The following TACC2 variants were observed in gnomAD, a reference collection of about 807,000 sequenced individuals.
TACC2 encodes transforming acidic coiled-coil-containing protein 2.
A neutral mutation model predicts 227.3 loss-of-function variants in TACC2; 137 were observed. The observed-to-expected ratio is 0.60, with a 90% confidence interval of 0.52 to 0.69. TACC2 has a LOEUF of 0.69. Among genes scored for constraint, TACC2 ranks in the 30% least tolerant of loss-of-function variants. The probability of loss-of-function intolerance (pLI) is 0.00; values close to 1 mark genes in which losing one functional copy is unlikely to be tolerated. For missense variants in TACC2, 3,470 were observed against 3,694.4 expected (o/e 0.94, Z 1.57); for synonymous variants, 1,523 against 1,487.5 (o/e 1.02, Z -0.55).
At chr10:122,171,345 G>C (rs1034612461) in intron 7 of TACC2, among the ~76,000 whole-genome samples, 8 of 152,132 alleles carry the variant, frequency 5.3e-5, no homozygotes, top group Non-Finnish European at 1.0e-4. Context: ...GGCCGAGGTA[G>C]GGGGGTGGAG....
chr10:122,199,269 C>T (rs1212338381), intron 8 of TACC2, among the ~76,000 whole-genome samples: 2 of 152,372 alleles, frequency 1.3e-5, no homozygotes, highest in Admixed American at 6.5e-5. Context: ...CCAGTGTCCT[C>T]GCCAGGCACT....
intron 1 of TACC2, among the ~76,000 whole-genome samples, chr10:121,999,819 G>T (rs1954048752): frequency 6.6e-6 from 1 of 152,298 alleles, no homozygotes; most frequent in African/African-American, 2.4e-5. Flanking sequence ...AATGCCCAAG[G>T]GCAATCGGTC....
intron 1 of TACC2, among the ~76,000 whole-genome samples, chr10:121,989,812 C>T (rs1447612601): frequency 6.6e-6 from 1 of 151,536 alleles, no homozygotes; most frequent in Admixed American, 6.6e-5. Context: ...AGCCAGAGTG[C>T]GGTGGCATGA....
At chr10:122,151,611 T>C (rs557566614) in intron 7 of TACC2, among the ~76,000 whole-genome samples, 17 of 152,198 alleles carry the variant, frequency 1.1e-4, no homozygotes, top group African/African-American at 3.4e-4. Context: ...TCTTCTCTTT[T>C]CAAGCAGGGG....
At chr10:122,207,859 G>T (rs1001950874) in intron 8 of TACC2, among the ~76,000 whole-genome samples, 1 of 152,192 alleles carries the variant, frequency 6.6e-6, no homozygotes, top group South Asian at 2.1e-4. Flanking sequence ...GAGGGAGAGG[G>T]TTGGTGTTTG....
At position 122,180,850 on chromosome 10, in the gene TACC2, C is replaced by T. The variant is rs183535290; in HGVS notation, c.5835-14190C>T. On this transcript the variant is annotated intron_variant, in intron 7 of 22. Transcript: ENST00000369005. This position sits in a 1 kb window ranked among gnomAD's most constrained non-coding sequence, Gnocchi z 4.5. Reference sequence around the variant, plus strand: ...CTGCCTCCCAGGCTCAAGCGATTCTCCTGCCTCAGCCTCTCCTGCCTCAGC... The same window carrying T: ...CTGCCTCCCAGGCTCAAGCGATTCTTCTGCCTCAGCCTCTCCTGCCTCAGC... Among the ~76,000 whole-genome samples the T allele has an allele frequency of 3.7e-3, 560 of 152,294 alleles. 5 individuals are homozygous for T. Among genetic ancestry groups the T allele is most frequent in the African/African-American group, 0.013 (539 of 41,564 alleles).
chr10:122,098,218 G>A (rs2081700012), intron 5 of TACC2, among the ~76,000 whole-genome samples: 1 of 152,168 alleles, frequency 6.6e-6, no homozygotes, highest in Non-Finnish European at 1.5e-5. Flanking sequence ...TTCTAGAAAT[G>A]TTTGCATGGA....
rs371617188 is a variant in TACC2 at position 122,086,107 on chromosome 10, A to G, written c.3607A>G (p.Ile1203Val). 19 of 1,613,454 alleles carry G rather than the reference A, an allele frequency of 1.2e-5. No homozygotes were observed. The highest frequency in any genetic ancestry group is 1.6e-5 in the Non-Finnish European group (19 of 1,180,002). Residue 1203 changes from isoleucine (I) to valine (V), a missense_variant, in exon 4 of 23, where the codon ATT (isoleucine) becomes GTT (valine). Physicochemically the swap from Ile to Val is conservative, Grantham distance 29. Transcript: ENST00000369005. The part of the protein sequence containing the change: ...ALLPARELGG[I>V]PRSTMDFSTH... ...GCTGCCAGCCAGAGAGCTGGGTGGG[A>G]TTCCCAGGAGCACCATGGATTTTTC...
chr10:122,234,921 C>T (rs1430361598), intron 16 of TACC2, among the ~76,000 whole-genome samples: 1 of 152,146 alleles, frequency 6.6e-6, no homozygotes, highest in Non-Finnish European at 1.5e-5. Flanking sequence ...CCTTGTGCCC[C>T]AGTCTCTGAG....
chr10:122,201,936 ACT>A (rs1593271464), intron 8 of TACC2, among the ~76,000 whole-genome samples: 2 of 149,410 alleles, frequency 1.3e-5, no homozygotes, highest in East Asian at 4.0e-4. Context: ...GCTTTTTATG[ACT>A]CTGCGCTCTT....
At chr10:122,010,202 C>T (rs1230442319) in intron 1 of TACC2, among the ~76,000 whole-genome samples, 1 of 152,178 alleles carries the variant, frequency 6.6e-6, no homozygotes, top group Non-Finnish European at 1.5e-5. Context: ...CCTCCCCACC[C>T]CTTCATTCTG....
chr10:122,054,472 A>G (rs2076024721), intron 3 of TACC2, among the ~76,000 whole-genome samples: 1 of 152,230 alleles, frequency 6.6e-6, no homozygotes, highest in African/African-American at 2.4e-5. Context: ...ATCATCAACC[A>G]GGGACTGAGC....
rs148892664 is a variant in TACC2, at chr10:122,102,312, G to A, written c.5573+13721G>A. ...TTCGCCAGGTATTTCTACACAACAC[G>A]GAACAGCTGGCCTAAGGCCTGCAGA... On this transcript the variant is annotated intron_variant, in intron 5 of 22. Transcript: ENST00000369005. Among the ~76,000 whole-genome samples, 1,330 of 152,250 alleles carry A rather than the reference G, an allele frequency of 8.7e-3. 19 individuals are homozygous for A. Among genetic ancestry groups the A allele is most frequent in the African/African-American group, 0.03 (1,264 of 41,546 alleles).
Position 122,026,445 on chromosome 10 carries a change from A to AT in TACC2, c.33+4442dup, listed in dbSNP as rs77043609. On this transcript the variant is annotated intron_variant, in intron 2 of 22. Coordinates refer to ENST00000369005, the MANE Select transcript of TACC2 (RefSeq NM_206862.4). ...ACCAACATCCTGAAGATTTTCTGCT[A>AT]TTTTTTTTTTTGGCTAAAAGTTTTG... 1.0e-3 allele frequency among the ~76,000 whole-genome samples: 154 copies of AT among 147,356 alleles called. No homozygotes were observed. The East Asian group carries it at 0.016, about 16-fold the overall frequency.
chr10:122,013,170 C>T (rs144425652), intron 1 of TACC2, among the ~76,000 whole-genome samples: 17 of 152,274 alleles, frequency 1.1e-4, no homozygotes, highest in African/African-American at 3.6e-4. Flanking sequence ...GAGGTTTTCC[C>T]AGCCCTGATA....
At chr10:122,204,088 A>C (rs2095010129) in intron 8 of TACC2, among the ~76,000 whole-genome samples, 1 of 147,958 alleles carries the variant, frequency 6.8e-6, no homozygotes, top group South Asian at 2.2e-4. Context: ...GGGAGGTTGC[A>C]GTGAGCCGAG....
chr10:122,061,025 G>C (rs2076750855), intron 3 of TACC2, among the ~76,000 whole-genome samples: 1 of 14,064 alleles, frequency 7.1e-5, no homozygotes, highest in South Asian at 5.6e-3. Context: ...AAAAAGGGGG[G>C]GGGGCCAGGC....
At chr10:122,241,820 C>A in intron 18 of TACC2, 138 bp from the exon 19 acceptor site, 1 of 773,406 alleles carries the variant, frequency 1.3e-6, no homozygotes. Flanking sequence ...AATGAGCGTG[C>A]AGGGCGAGGG....
intron 7 of TACC2, among the ~76,000 whole-genome samples, chr10:122,182,281 C>G (rs2093995970): frequency 6.6e-6 from 1 of 152,296 alleles, no homozygotes; most frequent in African/African-American, 2.4e-5. Context: ...AACATGAAAC[C>G]TGCTCTGGAC....
Sources: gnomAD v4.1 joint callset for allele counts (sites outside exome capture counted in the v4.1 genomes callset) on GRCh38, gnomAD v4.1.1 for gene constraint, Gnocchi (gnomAD v3.1) non-coding constraint, MANE v1.5 for transcripts, NCBI Gene and HGNC (gene_info 2026-07-23, HGNC 2026-07-21) for gene names.